The following DFFA variants were observed in gnomAD, a reference collection of about 807,000 sequenced individuals.
The protein encoded by DFFA is DFF45.
Under a neutral mutation model 28.0 loss-of-function variants are expected in DFFA, and 14 were observed. The observed-to-expected ratio is 0.50, with a 90% confidence interval of 0.33 to 0.78. The LOEUF (loss-of-function observed/expected upper bound fraction) is 0.78, where lower values mean the gene tolerates loss of function less well. Ranked by LOEUF, DFFA falls within the 30% of genes least tolerant of loss-of-function variation. The pLI is 0.02. For missense variants in DFFA, 395 were observed against 407.1 expected (o/e 0.97, Z 0.26); for synonymous variants, 158 against 170.3 (o/e 0.93, Z 0.56).
chr1:10,464,381 C>T (rs1277488426), intron 3 of DFFA, among the ~76,000 whole-genome samples: 2 of 152,142 alleles, frequency 1.3e-5, no homozygotes, highest in South Asian at 2.1e-4. Flanking sequence ...TGTGAGCCAC[C>T]GTGCCCGGCC....
chr1:10,463,912 G>A (rs1007715872), intron 3 of DFFA, among the ~76,000 whole-genome samples: 2 of 151,870 alleles, frequency 1.3e-5, no homozygotes, highest in Non-Finnish European at 2.9e-5. Context: ...TGATCCACCC[G>A]CCTTGGCCTC....
chr1:10,471,048 G>A (rs559681988), intron 1 of DFFA, among the ~76,000 whole-genome samples: 2 of 123,240 alleles, frequency 1.6e-5, no homozygotes, highest in East Asian at 5.0e-4. Context: ...GGGTGACAGA[G>A]TGACACTCCG....
intron 3 of DFFA, among the ~76,000 whole-genome samples, chr1:10,465,392 A>C (rs534445451): frequency 1.5e-4 from 22 of 146,280 alleles, no homozygotes; most frequent in Non-Finnish European, 1.7e-4. Context: ...CAGCCTCCTG[A>C]GTAGCTGGGA....
rs1291194635 is a variant in DFFA, at chr1:10,458,097, A to G, written c.*3393T>C. 1 of 152,216 alleles carries G rather than the reference A, an allele frequency of 6.6e-6. No homozygotes were observed. Among genetic ancestry groups the G allele is most frequent in the Non-Finnish European group, 1.5e-5 (1 of 68,032 alleles). The allele number at this position is 152,216 out of a possible 1,614,324, so 9.4% of individuals were successfully genotyped here. ...GACAGACACGTTTACTGTTCTGGGAAATCCCATTTCCAAGGGCAACGCTGC... is the reference window on the plus strand; with the variant it reads ...GACAGACACGTTTACTGTTCTGGGAGATCCCATTTCCAAGGGCAACGCTGC... On this transcript the variant is annotated 3_prime_UTR_variant, in exon 6 of 6. Transcript: ENST00000377038.
At chr1:10,461,896 C>T in intron 5 of DFFA, 194 bp from the exon 6 acceptor site, 1 of 981,736 alleles carries the variant, frequency 1.0e-6, no homozygotes. Flanking sequence ...GCTCTGTCAC[C>T]CAGGCTGGAG....
At position 10,461,317 on chromosome 1, in the gene DFFA, G is replaced by T. The variant is rs1203399783; in HGVS notation, c.*173C>A. The T allele has an allele frequency of 2.8e-6, 3 of 1,090,498 alleles. No individual in the cohort carries two copies. Among genetic ancestry groups the T allele is most frequent in the Non-Finnish European group, 3.8e-6 (3 of 788,676 alleles). 67.6% of individuals were successfully genotyped at this position (1,090,498 alleles called of 1,614,324 possible). A position where few individuals can be genotyped will look rare whatever the true frequency, so the allele number is the denominator to read the frequency against. ...AATTGGCAGAAGTCCTGAAGCTGGT[G>T]GGGCTAAAAAAAAAATTGGTGGAAC... On this transcript the variant is annotated 3_prime_UTR_variant, in exon 6 of 6. Coordinates refer to ENST00000377038, the MANE Select transcript of DFFA (RefSeq NM_004401.3).
chr1:10,461,913 G>A, intron 5 of DFFA: 1 of 956,786 alleles, frequency 1.0e-6, no homozygotes. Flanking sequence ...GGAGTGCAGT[G>A]ACACTATCTC....
At chr1:10,469,436 A>C in intron 1 of DFFA, 98 bp from the exon 2 acceptor site, 1 of 1,037,312 alleles carries the variant, frequency 9.6e-7, no homozygotes, top group Non-Finnish European at 1.4e-6. Context: ...GCTGAGCAGA[A>C]CTCCTGGTAG....
chr1:10,461,536 G>A lies in DFFA; in HGVS notation c.950C>T (p.Pro317Leu), dbSNP rs1174847483. 2 of 1,614,090 alleles carry A rather than the reference G, an allele frequency of 1.2e-6. No individual in the cohort carries two copies. Among genetic ancestry groups the A allele is most frequent in the South Asian group, 2.2e-5 (2 of 91,012 alleles). The change falls in exon 6 of 6, where the codon CCT (proline) becomes CTT (leucine). Residue 317 changes from proline (P) to leucine (L), a missense_variant. Transcript: ENST00000377038. ...RSISASKASPPGDLQNPKRAR... is the reference protein window; with the variant it reads ...RSISASKASPLGDLQNPKRAR... ...TCGCTTAGGATTCTGCAGGTCACCAGGTGGTGAGGCCTTGCTTGCTGAGAT... is the reference window on the plus strand; with the variant it reads ...TCGCTTAGGATTCTGCAGGTCACCAAGTGGTGAGGCCTTGCTTGCTGAGAT...
chr1:10,469,535 T>A (rs1432854450), intron 1 of DFFA, among the ~76,000 whole-genome samples, 197 bp from the exon 2 acceptor site: 1 of 152,134 alleles, frequency 6.6e-6, no homozygotes, highest in Non-Finnish European at 1.5e-5. Context: ...TTTTCTTTTT[T>A]TTTGTAGCAG....
intron 3 of DFFA, among the ~76,000 whole-genome samples, chr1:10,464,113 GAC>G (rs1557793795): frequency 1.4e-5 from 2 of 146,100 alleles, no homozygotes; most frequent in Non-Finnish European, 3.0e-5. Flanking sequence ...TTTTTTTTGA[GAC>G]AGAGTCTCGC....
chr1:10,457,505 T>C lies in DFFA; in HGVS notation c.*3985A>G, dbSNP rs1422762865. The C allele has an allele frequency of 1.3e-5, 2 of 151,952 alleles. No homozygotes were observed. The highest frequency in any genetic ancestry group is 2.9e-5 in the Non-Finnish European group (2 of 68,020). 9.4% of individuals were successfully genotyped at this position (151,952 alleles called of 1,614,324 possible). ...CTAGCCAACATGGTGAAACCCTGTG[T>C]CTACTAAAAATACCAAAAAAAACTT... On this transcript the variant is annotated 3_prime_UTR_variant, in exon 6 of 6. Transcript: ENST00000377038.
At position 10,461,506 on chromosome 1, in the gene DFFA, C is replaced by A; in HGVS notation, c.980G>T (p.Arg327Ile). 6.2e-7 allele frequency: 1 copy of A among 1,614,038 alleles called. No homozygotes were observed. The highest frequency in any genetic ancestry group is 1.1e-5 in the South Asian group (1 of 91,050). ...PGDLQNPKRA[R>I]QDPT ...CCGCTGCTGCTATGTGGGATCCTGT[C>A]TGGCTCGCTTAGGATTCTGCAGGTC... Residue 327 changes from arginine to isoleucine, a missense_variant, in exon 6 of 6, where the codon AGA becomes ATA. By Grantham distance (97) the Arg-to-Ile change is moderately conservative. Coordinates refer to ENST00000377038, the MANE Select transcript of DFFA (RefSeq NM_004401.3).
intron 2 of DFFA, 65 bp from the exon 3 acceptor site, chr1:10,467,397 A>G (rs891350816): frequency 4.5e-6 from 7 of 1,554,068 alleles, no homozygotes; most frequent in African/African-American, 1.4e-5. Flanking sequence ...CTCCTCCCCC[A>G]GCACACACAG....
rs1237032370 is a variant in DFFA, at chr1:10,471,401, ACGG to A, written c.136+919_136+921del. 2.6e-5 allele frequency among the ~76,000 whole-genome samples: 4 copies of A among 152,350 alleles called. No homozygotes were observed. In the East Asian group the frequency reaches 7.7e-4, roughly 29 times the overall value. ...GCCTCTGTGCCACGCACATCCAGCC[ACGG>A]CACTGAAGGGGAATTAGAAGTAAAG... On this transcript the variant is annotated intron_variant, in intron 1 of 5. Transcript: ENST00000377038.
chr1:10,471,062 CAAAA>C (rs59465527), intron 1 of DFFA, among the ~76,000 whole-genome samples: 1 of 96,516 alleles, frequency 1.0e-5, no homozygotes, highest in African/African-American at 3.9e-5. Context: ...CACTCCGTCT[CAAAA>C]AAAAAAAAAA....
chr1:10,461,885 C>G, intron 5 of DFFA, 183 bp from the exon 6 acceptor site: 1 of 984,566 alleles, frequency 1.0e-6, no homozygotes, highest in Non-Finnish European at 1.2e-6. Context: ...GACGGAGTCT[C>G]GCTCTGTCAC....
Position 10,456,723 on chromosome 1 carries a change from G to C in DFFA, c.*4767C>G, listed in dbSNP as rs1640867167. 6.6e-6 allele frequency: 1 copy of C among 152,170 alleles called. No individual in the cohort carries two copies. Among genetic ancestry groups the C allele is most frequent in the Non-Finnish European group, 1.5e-5 (1 of 68,046 alleles). 9.4% of individuals were successfully genotyped at this position (152,170 alleles called of 1,614,324 possible). On this transcript the variant is annotated 3_prime_UTR_variant, in exon 6 of 6. Coordinates refer to ENST00000377038, the MANE Select transcript of DFFA (RefSeq NM_004401.3). ...GTAAGTGGTAATTAGCGTAGCTCCTGTCAAAGCCAGTTGCCTCATGAGGAC... is the reference window on the plus strand; with the variant it reads ...GTAAGTGGTAATTAGCGTAGCTCCTCTCAAAGCCAGTTGCCTCATGAGGAC...
At chr1:10,461,902 T>C (rs11588905) in intron 5 of DFFA, 200 bp from the exon 6 acceptor site, 2 of 971,810 alleles carry the variant, frequency 2.1e-6, no homozygotes, top group African/African-American at 1.8e-5. Context: ...TCACCCAGGC[T>C]GGAGTGCAGT....
Sources: gnomAD v4.1 joint callset for allele counts (sites outside exome capture counted in the v4.1 genomes callset) on GRCh38, gnomAD v4.1.1 for gene constraint, MANE v1.5 for transcripts, NCBI Gene and HGNC (gene_info 2026-07-23, HGNC 2026-07-21) for gene names.